C19orf38: variants seen among roughly 807,000 people sequenced by gnomAD.
The protein encoded by C19orf38 is chromosome 19 open reading frame 38.
A neutral mutation model predicts 26.6 loss-of-function variants in C19orf38; 14 were observed. The observed-to-expected ratio is 0.53, with a 90% CI of 0.35 to 0.82. C19orf38 has a LOEUF of 0.82. Among genes scored for constraint, C19orf38 ranks in the 40% least tolerant of loss-of-function variants. The pLI is 0.01. For missense variants in C19orf38, 261 were observed against 299.5 expected (o/e 0.87, Z 0.95); for synonymous variants, 132 against 128.5 (o/e 1.03, Z -0.18).
chr19:10,836,900 C>G (rs1298226376), intron 1 of C19orf38: 3 of 152,238 alleles, frequency 2.0e-5, no homozygotes, highest in Non-Finnish European at 4.4e-5. Flanking sequence ...ACCATGCACC[C>G]CAAGGGTCTC....
chr19:10,858,422 C>T (rs957794357), intron 4 of C19orf38, 79 bp downstream of exon 4: 7 of 1,363,792 alleles, frequency 5.1e-6, no homozygotes, highest in Non-Finnish European at 7.0e-6. Flanking sequence ...GCACTCCATG[C>T]CCCCCACAAA....
At chr19:10,849,760 A>T (rs1335590590) in intron 1 of C19orf38, among the ~76,000 whole-genome samples, 6 of 152,062 alleles carry the variant, frequency 3.9e-5, no homozygotes, top group African/African-American at 1.4e-4. Flanking sequence ...TGTAATAACC[A>T]ATGCTATTAT....
At chr19:10,859,524 A>C (rs958666243) in intron 4 of C19orf38, among the ~76,000 whole-genome samples, 3 of 151,010 alleles carry the variant, frequency 2.0e-5, no homozygotes, top group African/African-American at 7.3e-5. Context: ...CTGGGACTAC[A>C]GGCACATGCC....
chr19:10,838,476 G>A (rs1221560196), intron 1 of C19orf38, among the ~76,000 whole-genome samples: 1 of 152,184 alleles, frequency 6.6e-6, no homozygotes, highest in African/African-American at 2.4e-5. Context: ...TTCCAGTGTT[G>A]TGCAGTGACT....
intron 5 of C19orf38, chr19:10,860,203 C>T (rs2073681893): frequency 2.1e-6 from 1 of 474,240 alleles, no homozygotes; most frequent in Non-Finnish European, 3.9e-6. Context: ...ACTTACAGGA[C>T]CCCAGGTCCG....
chr19:10,851,960 G>A (rs1367875847), intron 2 of C19orf38, among the ~76,000 whole-genome samples: 5 of 146,736 alleles, frequency 3.4e-5, no homozygotes, highest in Middle Eastern at 3.6e-3. Context: ...GGGCGACAGA[G>A]CGAGACTCCG....
intron 4 of C19orf38, among the ~76,000 whole-genome samples, chr19:10,859,014 C>T (rs980270901): frequency 4.6e-5 from 7 of 151,088 alleles, no homozygotes; most frequent in Middle Eastern, 3.4e-3. Flanking sequence ...TCTGGCTCAC[C>T]GCAACCTCTG....
At chr19:10,865,424 G>A (rs1599673076) in intron 6 of C19orf38, among the ~76,000 whole-genome samples, 1 of 152,288 alleles carries the variant, frequency 6.6e-6, no homozygotes, top group East Asian at 1.9e-4. Flanking sequence ...TGGGATTACA[G>A]GCATGAGCCA....
At chr19:10,867,709 G>C in intron 6 of C19orf38, among the ~76,000 whole-genome samples, 1 of 134,610 alleles carries the variant, frequency 7.4e-6, no homozygotes, top group Non-Finnish European at 1.5e-5. Context: ...CTGCAGTGCA[G>C]TGGTGTGATC....
At position 10,842,000 on chromosome 19, in the gene C19orf38, A is replaced by G. The variant is rs2073481676; in HGVS notation, c.-69+5230A>G. ...GTCTTAAATCTGGAGAAGGAAGCCA[A>G]CATCCTTTTGGAGCCATGAATATTG... On this transcript the variant is annotated intron_variant, in intron 1 of 7. Coordinates refer to the C19orf38 transcript ENST00000592854. 8.1e-6 allele frequency: 13 copies of G among 1,610,774 alleles called. No individual in the cohort carries two copies. The South Asian group carries it at 1.2e-4, about 15-fold the overall frequency.
chr19:10,859,374 ATATATATATATTTT>A (rs1306404666), intron 4 of C19orf38, among the ~76,000 whole-genome samples: 1,375 of 39,940 alleles, frequency 0.034, 31 homozygotes, highest in Middle Eastern at 0.1. Flanking sequence ...ATATATATAT[ATATATATATATTTT>A]TTTTTTTTTT....
chr19:10,863,233 G>A (rs961150143), intron 6 of C19orf38, 26 bp downstream of exon 6: 28 of 1,548,470 alleles, frequency 1.8e-5, no homozygotes, highest in African/African-American at 5.5e-5. Context: ...TCTTGGAACC[G>A]GTTTTCTGCT....
Position 10,848,453 on chromosome 19 carries a change from G to GGGAGCCTT in C19orf38, c.-53_-46dup. On this transcript the variant is annotated 5_prime_UTR_variant, in exon 1 of 7. Coordinates refer to ENST00000397820, the MANE Select transcript of C19orf38 (RefSeq NM_001136482.3). ...TCTGGCCTCACAGGAGGAGTTGGCGGGGAGCCTTGGGCCCCTCTGGCCTCA... is the reference window on the plus strand; with the variant it reads ...TCTGGCCTCACAGGAGGAGTTGGCGGGGAGCCTTGGAGCCTTGGGCCCCTCTGGCCTCA... The GGGAGCCTT allele has an allele frequency of 6.5e-7, 1 of 1,541,782 alleles. No homozygotes were observed. The highest frequency in any genetic ancestry group is 8.8e-7 in the Non-Finnish European group (1 of 1,138,256).
At chr19:10,846,595 T>C (rs541025151), upstream of C19orf38, among the ~76,000 whole-genome samples, 1 of 151,860 alleles carries the variant, frequency 6.6e-6, no homozygotes, top group Non-Finnish European at 1.5e-5. Flanking sequence ...TTTGAAAAGA[T>C]CAATAACAAT....
intron 6 of C19orf38, among the ~76,000 whole-genome samples, chr19:10,868,468 C>T (rs1166607101): frequency 6.6e-6 from 1 of 152,136 alleles, no homozygotes; most frequent in Non-Finnish European, 1.5e-5. Context: ...GAATGTTTTG[C>T]CCATGGGCAA....
rs1226940019 is a variant in C19orf38, at chr19:10,856,262, C to T, written c.341-3C>T. The T allele has an allele frequency of 1.9e-6, 3 of 1,550,092 alleles. No individual in the cohort carries two copies. Among genetic ancestry groups the T allele is most frequent in the Non-Finnish European group, 8.7e-7 (1 of 1,145,698 alleles). ...CCCACTCTCTTTTCTGATTTTCCTC[C>T]AGTGCCCACTTGGATCTTGGTGCTC... On this transcript the variant is annotated splice_polypyrimidine_tract_variant and splice_region_variant and intron_variant, in intron 2 of 6. Coordinates refer to ENST00000397820, the MANE Select transcript of C19orf38 (RefSeq NM_001136482.3).
At chr19:10,863,750 C>T (rs994378265) in intron 6 of C19orf38, among the ~76,000 whole-genome samples, 2 of 152,012 alleles carry the variant, frequency 1.3e-5, no homozygotes, top group African/African-American at 4.8e-5. Context: ...CTCATCTCTG[C>T]TAAATACAAA....
At chr19:10,843,409 CAGA>C (rs1423420839) in intron 1 of C19orf38, among the ~76,000 whole-genome samples, 1 of 152,228 alleles carries the variant, frequency 6.6e-6, no homozygotes, top group Non-Finnish European at 1.5e-5. Context: ...CAATATCAAT[CAGA>C]AGGCTTCCCT....
At chr19:10,856,224 C>G (rs753273683) in intron 2 of C19orf38, 41 bp from the exon 3 acceptor site, 59 of 1,486,490 alleles carry the variant, frequency 4.0e-5, no homozygotes, top group Non-Finnish European at 4.8e-5. Context: ...CCTGGAGAGA[C>G]GACACTGACC....
Sources: allele counts gnomAD v4.1 joint callset (sites outside exome capture counted in the v4.1 genomes callset), GRCh38; gene constraint gnomAD v4.1.1; transcripts MANE v1.5; gene names NCBI Gene and HGNC (gene_info 2026-07-23, HGNC 2026-07-21).